The following TUBGCP6 variants were observed in gnomAD, a reference collection of about 807,000 sequenced individuals.
The protein encoded by TUBGCP6 is tubulin gamma complex component 6, also known as gamma-tubulin complex component 6.
A neutral mutation model predicts 175.8 loss-of-function variants in TUBGCP6; 161 were observed. The observed-to-expected ratio is 0.92, with a 90% CI of 0.81 to 1.04. The LOEUF is 1.04. Ranked by LOEUF, TUBGCP6 falls within the 50% of genes least tolerant of loss-of-function variation. TUBGCP6 has a pLI of 0.00. For synonymous variants in TUBGCP6, 1,173 were observed against 1,030.5 expected (o/e 1.14, Z -2.65); for missense variants, 2,572 against 2,433.0 (o/e 1.06, Z -1.20).
chr22:50,219,490 C>G (rs532051202), intron 18 of TUBGCP6, 34 bp from the exon 19 acceptor site: 2 of 1,595,002 alleles, frequency 1.3e-6, no homozygotes, highest in Non-Finnish European at 1.7e-6. Flanking sequence ...TGCTGGGAAC[C>G]GGCCAGCCCA....
At chr22:50,225,405 C>T (rs983733105) in intron 10 of TUBGCP6, among the ~76,000 whole-genome samples, 11 of 152,248 alleles carry the variant, frequency 7.2e-5, no homozygotes, top group East Asian at 1.9e-4. Context: ...TTGCAAAGGG[C>T]GAAGGCCATC....
Position 50,244,221 on chromosome 22 carries a change from C to A in TUBGCP6, c.239G>T (p.Gly80Val), listed in dbSNP as rs147469595. The change falls in exon 1 of 25, where the codon GGT (glycine) becomes GTT (valine). Residue 80 changes from glycine (G) to valine (V), a missense_variant. Transcript: ENST00000248846. Reference sequence around the variant, plus strand: ...ACGGTCGGCCTTGGGGCCCAGGCCACCCACTCTCAAGTCAAAGGACAACAT... The same window carrying A: ...ACGGTCGGCCTTGGGGCCCAGGCCAACCACTCTCAAGTCAAAGGACAACAT... ...ILMLSFDLRV[G>V]GLGPKADRLE... is the part of the protein sequence containing the mutation. The A allele has an allele frequency of 6.2e-6, 10 of 1,613,302 alleles. No individual in the cohort carries two copies. The highest frequency in any genetic ancestry group is 1.1e-5 in the South Asian group (1 of 91,092).
rs1208445137 is a variant in TUBGCP6, at chr22:50,218,313, C to T, written c.5044G>A (p.Gly1682Ser). The change falls in exon 23 of 25, where the codon GGC becomes AGC. Residue 1682 changes from glycine to serine, a missense_variant. Physicochemically the swap from Gly to Ser is moderately conservative, Grantham distance 56. Coordinates refer to ENST00000248846, the MANE Select transcript of TUBGCP6 (RefSeq NM_020461.4). The part of the protein sequence containing the change: ...EMQHFVKVIQ[G>S]YIANQILHVT... ...TGCAGGATCTGGTTGGCGATGTAGC[C>T]CTGGATGACCTTCACGAAATGCTGC... The T allele has an allele frequency of 1.9e-6, 3 of 1,613,110 alleles. No homozygotes were observed. The highest frequency in any genetic ancestry group is 2.5e-6 in the Non-Finnish European group (3 of 1,180,000).
chr22:50,239,748 T>C (rs930481005), intron 2 of TUBGCP6, among the ~76,000 whole-genome samples: 5 of 152,192 alleles, frequency 3.3e-5, no homozygotes, highest in Non-Finnish European at 7.3e-5. Context: ...TAGACATGAA[T>C]GGAAAAGGCT....
Position 50,243,729 on chromosome 22 carries a change from A to G in TUBGCP6, c.731T>C (p.Leu244Pro). The G allele has an allele frequency of 6.2e-7, 1 of 1,609,000 alleles. No individual in the cohort carries two copies. The highest frequency in any genetic ancestry group is 8.5e-7 in the Non-Finnish European group (1 of 1,176,582). ...PVPDNADLSGLAIKVPPSVDQ... is the reference protein window; with the variant it reads ...PVPDNADLSGPAIKVPPSVDQ... ...AACTAAACATTCTACCTTAATAGCC[A>G]GCCCAGAGAGGTCCGCATTGTCTGG... The change falls in exon 1 of 25, where the codon CTG becomes CCG. Residue 244 changes from leucine to proline, a missense_variant. Physicochemically the swap from Leu to Pro is moderately conservative, Grantham distance 98. Transcript: ENST00000248846.
At position 50,229,528 on chromosome 22, in the gene TUBGCP6, G is replaced by A. The variant is rs748933864; in HGVS notation, c.1166C>T (p.Ser389Phe). Residue 389 changes from serine to phenylalanine, a missense_variant, in exon 4 of 25, where the codon TCT (serine) becomes TTT (phenylalanine). Physicochemically the swap from Ser to Phe is radical, Grantham distance 155. Coordinates refer to ENST00000248846, the MANE Select transcript of TUBGCP6 (RefSeq NM_020461.4). ...GAGCAGGCTGCTGATGCTCTCGGGA[G>A]ACGCTCCTGACACGTGGACGCCCCG... ...VKRGVHVSGASPESISSLLSE... is the reference protein window; with the variant it reads ...VKRGVHVSGAFPESISSLLSE... 9 of 1,605,762 alleles carry A rather than the reference G, an allele frequency of 5.6e-6. No homozygotes were observed. In the South Asian group the frequency reaches 1.0e-4, roughly 18 times the overall value.
At position 50,233,883 on chromosome 22, in the gene TUBGCP6, C is replaced by T. The variant is rs149564476; in HGVS notation, c.906-357G>A. On this transcript the variant is annotated intron_variant, in intron 2 of 24. Coordinates refer to ENST00000248846, the MANE Select transcript of TUBGCP6 (RefSeq NM_020461.4). ...GGTGATTCACTCATAAAGTATTCTT[C>T]TGTTAGAAACAAAACAAGATTTGTA... is the stretch of plus-strand genomic sequence containing the variant. Among the ~76,000 whole-genome samples, 173 of 152,178 alleles carry T rather than the reference C, an allele frequency of 1.1e-3. 1 individual carries two copies. The highest frequency in any genetic ancestry group is 4.1e-3 in the African/African-American group (170 of 41,468).
chr22:50,233,665 G>T, intron 2 of TUBGCP6, 139 bp from the exon 3 acceptor site: 1 of 847,642 alleles, frequency 1.2e-6, no homozygotes, highest in Non-Finnish European at 1.8e-6. Flanking sequence ...ACATAGCCAG[G>T]TATGAATGTC....
rs892874397 is a variant in TUBGCP6 at position 50,222,714 on chromosome 22, C to T, written c.2271-122G>A. On this transcript the variant is annotated intron_variant, in intron 13 of 24. Coordinates refer to ENST00000248846, the MANE Select transcript of TUBGCP6 (RefSeq NM_020461.4). ...CCCAGTGGGCCCCCGCCCCCGTCTCCCCCTACCAGGGGCTGATAGCTCTGG... is the reference window on the plus strand; with the variant it reads ...CCCAGTGGGCCCCCGCCCCCGTCTCTCCCTACCAGGGGCTGATAGCTCTGG... The T allele has an allele frequency of 4.3e-6, 6 of 1,405,310 alleles. No homozygotes were observed. In the African/African-American group the frequency reaches 8.6e-5, roughly 20 times the overall value. The allele number at this position is 1,405,310 out of a possible 1,614,324, so 87.1% of individuals were successfully genotyped here.
In TUBGCP6 at chr22:50,226,056, G is replaced by A. The variant is rs138362671; in HGVS notation, c.1827C>T (p.Cys609=). 4.3e-6 allele frequency: 7 copies of A among 1,614,048 alleles called. No individual in the cohort carries two copies. The highest frequency in any genetic ancestry group is 1.1e-5 in the South Asian group (1 of 91,092). Residue 609 remains cysteine, a synonymous_variant, in exon 9 of 25, where the codon TGC becomes TGT. Transcript: ENST00000248846. ...GKTINLLKLC[C]PRHYLCWSDV... ...CACATGAGCCCCTCCTCACCCGGGG[G>A]CAGCAGAGCTTCAGCAGGTTAATGG... is the stretch of plus-strand genomic sequence containing the variant.
rs201235588 is a variant in TUBGCP6, at chr22:50,226,369, G to A, written c.1611C>T (p.His537=). 2.9e-4 allele frequency: 472 copies of A among 1,608,222 alleles called. 1 individual carries two copies. The highest frequency in any genetic ancestry group is 7.7e-4 in the Admixed American group (45 of 58,524). The change falls in exon 8 of 25, where the codon CAC becomes CAT. Residue 537 remains histidine (H), a synonymous_variant. Transcript: ENST00000248846. ...TSCEPYTRFI[H]DWVYSGVFRD... Reference sequence around the variant, plus strand: ...TGAACACCCCGCTGTACACCCAGTCGTGGATGAACCTGCAGTGGGGGAAAA... The same window carrying A: ...TGAACACCCCGCTGTACACCCAGTCATGGATGAACCTGCAGTGGGGGAAAA...
At position 50,218,698 on chromosome 22, in the gene TUBGCP6, C is replaced by T; in HGVS notation, c.4821+5G>A. 6.2e-7 allele frequency: 1 copy of T among 1,613,502 alleles called. No homozygotes were observed. Among genetic ancestry groups the T allele is most frequent in the Non-Finnish European group, 8.5e-7 (1 of 1,179,732 alleles). ...CCATCCCCCGCGGCCAGGGCTGCTGCTGACCTTGTACCTGAGCTCCAGGCA... is the reference window on the plus strand; with the variant it reads ...CCATCCCCCGCGGCCAGGGCTGCTGTTGACCTTGTACCTGAGCTCCAGGCA... On this transcript the variant is annotated splice_donor_5th_base_variant and intron_variant, in intron 21 of 24. Coordinates refer to ENST00000248846, the MANE Select transcript of TUBGCP6 (RefSeq NM_020461.4).
chr22:50,233,233 T>C (rs2064716248), intron 3 of TUBGCP6, 83 bp downstream of exon 3: 1 of 1,487,194 alleles, frequency 6.7e-7, no homozygotes, highest in Non-Finnish European at 9.1e-7. Context: ...TGGGGCTTGT[T>C]CTGCCCCATA....
Position 50,218,080 on chromosome 22 carries a change from C to T in TUBGCP6, c.5206G>A (p.Val1736Ile), listed in dbSNP as rs762939715. Residue 1736 changes from valine to isoleucine, a missense_variant, in exon 24 of 25, where the codon GTC becomes ATC. Physicochemically the swap from Val to Ile is conservative, Grantham distance 29. Transcript: ENST00000248846. ...ACGAGGCTGAAGATGCTGTGGATGACGTTCATGACGGGCGCCGCCTTCTCC... is the reference window on the plus strand; with the variant it reads ...ACGAGGCTGAAGATGCTGTGGATGATGTTCATGACGGGCGCCGCCTTCTCC... The part of the protein sequence containing the change: ...LTEKAAPVMN[V>I]IHSIFSLVLK... 3.9e-5 allele frequency: 63 copies of T among 1,613,300 alleles called. No individual in the cohort carries two copies. In the East Asian group the frequency reaches 7.4e-4, roughly 19 times the overall value.
chr22:50,226,800 T>C lies in TUBGCP6; in HGVS notation c.1534A>G (p.Asn512Asp). Residue 512 changes from asparagine to aspartate, a missense_variant, in exon 7 of 25, where the codon AAC becomes GAC. By Grantham distance (23) the Asn-to-Asp change is conservative (BLOSUM62 1). Transcript: ENST00000248846. Reference protein sequence around the residue: ...LSYLYQEALHNCSNEHYPVLL... With the variant: ...LSYLYQEALHDCSNEHYPVLL... Reference sequence around the variant, plus strand: ...ACAGGGTAGTGCTCGTTGCTGCAGTTGTGCAGAGCCTCCTGGTAGAGGTAG... The same window carrying C: ...ACAGGGTAGTGCTCGTTGCTGCAGTCGTGCAGAGCCTCCTGGTAGAGGTAG... 1 of 1,591,180 alleles carries C rather than the reference T, an allele frequency of 6.3e-7. No individual in the cohort carries two copies.
intron 2 of TUBGCP6, among the ~76,000 whole-genome samples, chr22:50,236,861 C>A (rs1242400780): frequency 3.3e-5 from 5 of 152,194 alleles, no homozygotes; most frequent in African/African-American, 1.2e-4. Context: ...CTGTTTCCCC[C>A]TGCAGCCACT....
Position 50,233,799 on chromosome 22 carries a change from G to A in TUBGCP6, c.906-273C>T, listed in dbSNP as rs76969909. ...CCTGGGGTCCTGGGCATGGCCGGGG[G>A]TATCCGACTGGCCCAGCCCTGGAAG... On this transcript the variant is annotated intron_variant, in intron 2 of 24. Coordinates refer to ENST00000248846, the MANE Select transcript of TUBGCP6 (RefSeq NM_020461.4). Among the ~76,000 whole-genome samples the A allele has an allele frequency of 0.027, 4,076 of 152,174 alleles. 105 individuals carry two copies. The highest frequency in any genetic ancestry group is 0.13 in the East Asian group (684 of 5,190).
Position 50,229,678 on chromosome 22 carries a change from G to A in TUBGCP6, c.1117-101C>T. On this transcript the variant is annotated intron_variant, in intron 3 of 24. Coordinates refer to ENST00000248846, the MANE Select transcript of TUBGCP6 (RefSeq NM_020461.4). ...CTTGCACCCAACCCCACGCCACCTA[G>A]AGTGCCTCCAGGACCCAAAAGCAAA... The A allele has an allele frequency of 2.3e-6, 3 of 1,302,794 alleles. 1 individual carries two copies. Among genetic ancestry groups the A allele is most frequent in the South Asian group, 2.8e-5 (2 of 70,194 alleles). The allele number at this position is 1,302,794 out of a possible 1,614,324, so 80.7% of individuals were successfully genotyped here.
At position 50,219,394 on chromosome 22, in the gene TUBGCP6, C is replaced by A. The variant is rs570025532; in HGVS notation, c.4378G>T (p.Asp1460Tyr). Residue 1460 changes from aspartate to tyrosine, a missense_variant, in exon 19 of 25, where the codon GAC (aspartate) becomes TAC (tyrosine). Transcript: ENST00000248846. Reference protein sequence around the residue: ...VLPRAFAFPVDPQVQSAADET... With the variant: ...VLPRAFAFPVYPQVQSAADET... ...TCAGCGGCAGACTGGACCTGGGGGT[C>A]CACGGGGAAGGCGAAGGCCCGGGGA... 26 of 1,575,438 alleles carry A rather than the reference C, an allele frequency of 1.7e-5. No homozygotes were observed. The highest frequency in any genetic ancestry group is 2.2e-5 in the Non-Finnish European group (26 of 1,161,384).
Sources: allele counts gnomAD v4.1 joint callset (sites outside exome capture counted in the v4.1 genomes callset), GRCh38; gene constraint gnomAD v4.1.1; transcripts MANE v1.5; gene names NCBI Gene and HGNC (gene_info 2026-07-23, HGNC 2026-07-21).